VAV3: variants seen among roughly 807,000 people sequenced by gnomAD.
VAV3 encodes the protein vav guanine nucleotide exchange factor 3.
VAV3 carries 94 observed loss-of-function variants against 131.2 expected under a neutral mutation model. That is an observed-to-expected ratio of 0.72 (90% confidence interval 0.61 to 0.85). VAV3 has a LOEUF of 0.85. Ranked by LOEUF, VAV3 falls within the 40% of genes least tolerant of loss-of-function variation. VAV3 has a pLI of 0.00. For missense variants in VAV3, 939 were observed against 1,002.7 expected, an observed-to-expected ratio of 0.94 and a Z score of 0.86; for synonymous variants, 349 against 342.0, an observed-to-expected ratio of 1.02 and a Z score of -0.22.
In VAV3 at chr1:107,572,662, T is replaced by C. The variant is rs1386601845; in HGVS notation, c.*669A>G. ...GCTTTTTTCACCTTTTATAAAGAAG[T>C]TTGCAAATATAATCAGGACACCAAA... is the stretch of plus-strand genomic sequence containing the variant. On this transcript the variant is annotated 3_prime_UTR_variant, in exon 27 of 27. Coordinates refer to ENST00000370056, the MANE Select transcript of VAV3 (RefSeq NM_006113.5). The C allele has an allele frequency of 6.6e-6, 1 of 152,622 alleles. No homozygotes were observed. Among genetic ancestry groups the C allele is most frequent in the Non-Finnish European group, 1.5e-5 (1 of 68,034 alleles). 9.5% of individuals were successfully genotyped at this position (152,622 alleles called of 1,614,324 possible).
chr1:107,853,430 T>C (rs747773636), intron 2 of VAV3, among the ~76,000 whole-genome samples: 7 of 152,164 alleles, frequency 4.6e-5, no homozygotes, highest in Non-Finnish European at 8.8e-5. Context: ...ATAATATGTG[T>C]TTTGTCAGAG....
chr1:107,803,026 T>C (rs1006146727), intron 2 of VAV3, among the ~76,000 whole-genome samples: 1 of 152,026 alleles, frequency 6.6e-6, no homozygotes, highest in African/African-American at 2.4e-5. Flanking sequence ...TTGCTCCTTA[T>C]TGGTTTGCTG....
chr1:107,686,189 G>C (rs1484520015), intron 18 of VAV3, among the ~76,000 whole-genome samples: 1 of 152,030 alleles, frequency 6.6e-6, no homozygotes, highest in East Asian at 1.9e-4. Context: ...GCTTCTTGGA[G>C]CCAGAGGAAC....
At chr1:107,768,305 A>G in intron 7 of VAV3, 136 bp downstream of exon 7, 1 of 624,816 alleles carries the variant, frequency 1.6e-6, no homozygotes, top group Non-Finnish European at 2.5e-6. Context: ...AAAACTGGAA[A>G]AGCAAAAAAT....
chr1:107,788,235 G>A (rs1666119339), intron 2 of VAV3, among the ~76,000 whole-genome samples: 1 of 151,946 alleles, frequency 6.6e-6, no homozygotes, highest in East Asian at 1.9e-4. Context: ...CTATTAATGT[G>A]ATCATACCAC....
intron 19 of VAV3, among the ~76,000 whole-genome samples, chr1:107,650,758 T>C (rs1656106944): frequency 1.5e-5 from 2 of 133,380 alleles, no homozygotes; most frequent in African/African-American, 5.7e-5. Flanking sequence ...CCCCTTCCTG[T>C]GTCCATGTGT....
At chr1:107,647,341 T>A (rs1257650834) in intron 19 of VAV3, among the ~76,000 whole-genome samples, 1 of 151,706 alleles carries the variant, frequency 6.6e-6, no homozygotes, top group Non-Finnish European at 1.5e-5. Context: ...TCAGAACATG[T>A]AGATGTTTTA....
At chr1:107,844,174 C>G (rs1203347395) in intron 2 of VAV3, among the ~76,000 whole-genome samples, 1 of 151,866 alleles carries the variant, frequency 6.6e-6, no homozygotes, top group Non-Finnish European at 1.5e-5. Flanking sequence ...CGAGGGCAAG[C>G]AGAAGCAGGG....
At chr1:107,591,415 G>A (rs1558071493) in intron 25 of VAV3, among the ~76,000 whole-genome samples, 1 of 147,676 alleles carries the variant, frequency 6.8e-6, no homozygotes, top group Non-Finnish European at 1.5e-5. Context: ...ATAAAGGGAT[G>A]AATGAATGAA....
At chr1:107,774,874 C>A (rs1665252762) in intron 4 of VAV3, among the ~76,000 whole-genome samples, 1 of 150,696 alleles carries the variant, frequency 6.6e-6, no homozygotes, top group African/African-American at 2.4e-5. Context: ...GCTGTCACAG[C>A]AAACTCAAAA....
rs1428440221 is a variant in VAV3, at chr1:107,859,402, G to C, written c.321+15499C>G. On this transcript the variant is annotated intron_variant, in intron 2 of 26. Transcript: ENST00000370056. ...GAGACATTTCTTGATTAGAAAACAT[G>C]CTTTAGGATCTATTTATCTAAAAGA... Among the ~76,000 whole-genome samples the C allele has an allele frequency of 4.6e-5, 7 of 152,180 alleles. No individual in the cohort carries two copies. In the East Asian group the frequency reaches 1.4e-3, roughly 29 times the overall value.
chr1:107,955,995 G>C (rs1338034682), intron 1 of VAV3, among the ~76,000 whole-genome samples: 1 of 152,148 alleles, frequency 6.6e-6, no homozygotes, highest in African/African-American at 2.4e-5. Context: ...ATCAAATGAA[G>C]GGAACAACGG....
chr1:107,680,434 T>A (rs1254726429), intron 19 of VAV3, among the ~76,000 whole-genome samples: 1 of 152,150 alleles, frequency 6.6e-6, no homozygotes, highest in East Asian at 1.9e-4. Context: ...AGTCCAATAT[T>A]AAAGAACATG....
intron 4 of VAV3, among the ~76,000 whole-genome samples, chr1:107,776,969 T>C (rs932478335): frequency 2.0e-5 from 3 of 152,376 alleles, no homozygotes; most frequent in South Asian, 2.1e-4. Context: ...TTTTATCTAC[T>C]ACTTCTGTTA....
At chr1:107,915,603 C>T (rs1030528329) in intron 1 of VAV3, among the ~76,000 whole-genome samples, 2 of 152,146 alleles carry the variant, frequency 1.3e-5, no homozygotes, top group Non-Finnish European at 2.9e-5. Flanking sequence ...AATCTAGAAA[C>T]TTTAAGCCAT....
chr1:107,586,282 C>G (rs928495545), intron 25 of VAV3, among the ~76,000 whole-genome samples: 1 of 152,062 alleles, frequency 6.6e-6, no homozygotes, highest in Admixed American at 6.6e-5. Context: ...CTATTCACTG[C>G]TGTATTTTAA....
intron 19 of VAV3, among the ~76,000 whole-genome samples, chr1:107,658,849 C>G (rs4915064): frequency 0.89 from 134,217 of 151,532 alleles, 59,524 homozygotes; most frequent in Middle Eastern, 0.93. Flanking sequence ...CTGGATATCA[C>G]ACCTTTGTCA....
intron 21 of VAV3, among the ~76,000 whole-genome samples, chr1:107,610,519 C>A (rs1036101396): frequency 1.3e-5 from 2 of 152,072 alleles, no homozygotes; most frequent in African/African-American, 4.8e-5. Flanking sequence ...AAACAATATA[C>A]ACTGGATATA....
chr1:107,632,233 T>C (rs1654557770), intron 20 of VAV3, among the ~76,000 whole-genome samples: 2 of 152,176 alleles, frequency 1.3e-5, no homozygotes, highest in African/African-American at 2.4e-5. Flanking sequence ...ATTAGATTCA[T>C]CTGGGGTTTT....
Sources: gnomAD v4.1 joint callset for allele counts (sites outside exome capture counted in the v4.1 genomes callset) on GRCh38, gnomAD v4.1.1 for gene constraint, MANE v1.5 for transcripts, NCBI Gene and HGNC (gene_info 2026-07-23, HGNC 2026-07-21) for gene names.